NT5DC3: variants seen among roughly 807,000 people sequenced by gnomAD.
The protein encoded by NT5DC3 is 5'-nucleotidase domain-containing protein 3.
Under a neutral mutation model 67.8 loss-of-function variants are expected in NT5DC3, and 42 were observed. The observed-to-expected ratio is 0.62, with a 90% CI of 0.48 to 0.80. The LOEUF is 0.80. NT5DC3 is among the 30% of genes least tolerant of loss of function. NT5DC3 has a pLI of 0.00. For missense variants in NT5DC3, 570 were observed against 696.4 expected, an observed-to-expected ratio of 0.82 and a Z score of 2.04; for synonymous variants, 237 against 255.6, an observed-to-expected ratio of 0.93 and a Z score of 0.69.
chr12:103,798,238 C>T (rs1015196341), intron 5 of NT5DC3, among the ~76,000 whole-genome samples: 8 of 152,160 alleles, frequency 5.3e-5, no homozygotes, highest in Admixed American at 5.2e-4. Flanking sequence ...GTGTAGCCAT[C>T]AACTCTGGCA....
chr12:103,793,506 T>A lies in NT5DC3; in HGVS notation c.821A>T (p.Tyr274Phe), dbSNP rs189470582. The change falls in exon 8 of 14, where the codon TAC becomes TTC. Residue 274 changes from tyrosine to phenylalanine, a missense_variant. Tyr to Phe is a conservative substitution (Grantham distance 22). This residue lies in a region of NT5DC3 where 466 missense variants were observed against 608.0 expected (regional missense o/e 0.77). Coordinates refer to ENST00000392876, the MANE Select transcript of NT5DC3 (RefSeq NM_001031701.3). The part of the protein sequence containing the change: ...YRAIEADIEK[Y>F]ICYAEQTRAV... Reference sequence around the variant, plus strand: ...GCGGGTCTGCTCAGCATAGCAGATGTACTTTTCTAAGAGCAAGAGAAAAAT... The same window carrying A: ...GCGGGTCTGCTCAGCATAGCAGATGAACTTTTCTAAGAGCAAGAGAAAAAT... 6.2e-7 allele frequency: 1 copy of A among 1,611,892 alleles called. No individual in the cohort carries two copies. The highest frequency in any genetic ancestry group is 2.2e-5 in the East Asian group (1 of 44,886).
chr12:103,823,237 A>C (rs867283997), intron 1 of NT5DC3, among the ~76,000 whole-genome samples: 78 of 151,698 alleles, frequency 5.1e-4, no homozygotes, highest in African/African-American at 1.8e-3. Context: ...AAAAAAAAAA[A>C]CAGAAAAAGC....
rs779598806 is a variant in NT5DC3, at chr12:103,815,082, T to A, written c.248A>T (p.Asp83Val). The A allele has an allele frequency of 6.2e-7, 1 of 1,613,398 alleles. No homozygotes were observed. The highest frequency in any genetic ancestry group is 1.1e-5 in the South Asian group (1 of 90,894). The change falls in exon 2 of 14, where the codon GAT becomes GTT. Residue 83 changes from aspartate to valine, a missense_variant. Asp to Val is a radical substitution (Grantham distance 152). Around this residue, in one of 2 missense-constraint regions of NT5DC3, gnomAD observed 466 missense variants for 608.0 expected, o/e 0.77. Transcript: ENST00000392876. Reference protein sequence around the residue: ...PSIMSNLLNPDAIFSNNEMSL... With the variant: ...PSIMSNLLNPVAIFSNNEMSL... ...CATTTCATTGTTTGAGAAAATGGCATCTGGATTCAACAAGTTGCTCATAAT... is the reference window on the plus strand; with the variant it reads ...CATTTCATTGTTTGAGAAAATGGCAACTGGATTCAACAAGTTGCTCATAAT...
chr12:103,788,003 T>TA (rs1457424276), intron 10 of NT5DC3, among the ~76,000 whole-genome samples: 1 of 152,240 alleles, frequency 6.6e-6, no homozygotes, highest in African/African-American at 2.4e-5. Flanking sequence ...AAAATACACT[T>TA]ATTGCCAAAT....
chr12:103,757,456 A>G, the NT5DC3 span, among the ~76,000 whole-genome samples: 1 of 152,238 alleles, frequency 6.6e-6, no homozygotes, highest in Non-Finnish European at 1.5e-5. Flanking sequence ...CAAACAATAA[A>G]TGGAACAAAC....
Position 103,806,837 on chromosome 12 carries a change from C to T in NT5DC3, c.468+18G>A. On this transcript the variant is annotated intron_variant, in intron 3 of 13. Coordinates refer to ENST00000392876, the MANE Select transcript of NT5DC3 (RefSeq NM_001031701.3). ...CAAACATCATTAAACCATAGAAAAA[C>T]AGGAGAAGTAAACCTACCCGCTGTA... 6.6e-7 allele frequency: 1 copy of T among 1,511,636 alleles called. No homozygotes were observed. Among genetic ancestry groups the T allele is most frequent in the Non-Finnish European group, 9.2e-7 (1 of 1,087,670 alleles). 93.6% of individuals were successfully genotyped at this position (1,511,636 alleles called of 1,614,324 possible).
rs755048643 is a variant in NT5DC3 at position 103,775,562 on chromosome 12, C to T, written c.*2267G>A. ...GCGCATTCTTTTAGAACCCCGACAC[C>T]GAGCAGTTCTGGGCGCAACACACAC... On this transcript the variant is annotated 3_prime_UTR_variant, in exon 14 of 14. Coordinates refer to ENST00000392876, the MANE Select transcript of NT5DC3 (RefSeq NM_001031701.3). The T allele has an allele frequency of 6.6e-6, 1 of 152,208 alleles. No individual in the cohort carries two copies. The highest frequency in any genetic ancestry group is 2.4e-5 in the African/African-American group (1 of 41,530). 9.4% of individuals were successfully genotyped at this position (152,208 alleles called of 1,614,324 possible).
chr12:103,831,331 C>T (rs1277792430), intron 1 of NT5DC3, among the ~76,000 whole-genome samples: 1 of 152,164 alleles, frequency 6.6e-6, no homozygotes, highest in Non-Finnish European at 1.5e-5. Flanking sequence ...CCCAAGGCCT[C>T]CCCAGCCATG....
Position 103,819,993 on chromosome 12 carries a change from A to G in NT5DC3, c.209-4872T>C, listed in dbSNP as rs566525951. Among the ~76,000 whole-genome samples, 3 of 152,296 alleles carry G rather than the reference A, an allele frequency of 2.0e-5. No individual in the cohort carries two copies. In the East Asian group the frequency reaches 5.8e-4, roughly 29 times the overall value. On this transcript the variant is annotated intron_variant, in intron 1 of 13. Coordinates refer to ENST00000392876, the MANE Select transcript of NT5DC3 (RefSeq NM_001031701.3). ...ACTTTCTGTCTCTATGAATCTGACT[A>G]TTCTAGGAACCTCATAGAAGTGGAG...
the NT5DC3 span, chr12:103,762,364 C>G: frequency 6.2e-7 from 1 of 1,614,194 alleles, no homozygotes; most frequent in South Asian, 1.1e-5. Context: ...CTCCTACTTT[C>G]GGATAAACCG....
At chr12:103,781,500 C>T (rs773950492) in intron 12 of NT5DC3, among the ~76,000 whole-genome samples, 7 of 152,242 alleles carry the variant, frequency 4.6e-5, no homozygotes, top group Non-Finnish European at 1.0e-4. Context: ...GGGCGCCCTG[C>T]TGGCTGCCCT....
chr12:103,840,822 C>G (rs944888261), intron 1 of NT5DC3, 127 bp downstream of exon 1: 1 of 418,480 alleles, frequency 2.4e-6, no homozygotes, highest in Non-Finnish European at 4.1e-6. Context: ...GGTGTGGGCA[C>G]CGGGGTTCGC....
rs1279347196 is a variant in NT5DC3 at position 103,797,014 on chromosome 12, C to T, written c.633G>A (p.Thr211=). Residue 211 remains threonine, a synonymous_variant, in exon 6 of 14, where the codon ACG becomes ACA. Coordinates refer to ENST00000392876, the MANE Select transcript of NT5DC3 (RefSeq NM_001031701.3). ...DFYGKSSHGN[T]MKQFMDIFSL... ...AGAAGATGTCCATGAACTGCTTCAT[C>T]GTGTTTCCATGAGAGCTCTGCAGAC... 13 of 1,613,996 alleles carry T rather than the reference C, an allele frequency of 8.1e-6. No individual in the cohort carries two copies. Among genetic ancestry groups the T allele is most frequent in the Admixed American group, 5.0e-5 (3 of 59,984 alleles).
chr12:103,790,411 G>T lies in NT5DC3; in HGVS notation c.1020-1492C>A, dbSNP rs1885993698. Among the ~76,000 whole-genome samples, 5 of 152,018 alleles carry T rather than the reference G, an allele frequency of 3.3e-5. No homozygotes were observed. In the South Asian group the frequency reaches 1.0e-3, roughly 32 times the overall value. On this transcript the variant is annotated intron_variant, in intron 9 of 13. Coordinates refer to ENST00000392876, the MANE Select transcript of NT5DC3 (RefSeq NM_001031701.3). ...CTGCCTCAGCCTACTGAGTAGCTGG[G>T]ATTACAGTTGCATGCCACCATGACT...
chr12:103,770,118 G>A (rs1272956899), downstream of NT5DC3, among the ~76,000 whole-genome samples: 2 of 152,128 alleles, frequency 1.3e-5, no homozygotes, highest in African/African-American at 2.4e-5. Flanking sequence ...ATCCTCACAC[G>A]ATTTTTTTTA....
At chr12:103,753,555 T>C in the NT5DC3 span, among the ~76,000 whole-genome samples, 1 of 152,186 alleles carries the variant, frequency 6.6e-6, no homozygotes, top group South Asian at 2.1e-4. Context: ...TTCGTGGATA[T>C]TATTGTTCAT....
At chr12:103,763,711 T>G in the NT5DC3 span, 1 of 1,108,106 alleles carries the variant, frequency 9.0e-7, no homozygotes, top group Non-Finnish European at 1.3e-6. Context: ...GAAGGTTCAT[T>G]TCTAGAATGT....
chr12:103,758,102 C>A, the NT5DC3 span: 3 of 1,603,110 alleles, frequency 1.9e-6, no homozygotes, highest in East Asian at 2.2e-5. Context: ...GCCCTGGGAC[C>A]TTCTTCAGCC....
chr12:103,755,140 C>T, the NT5DC3 span: 2 of 935,012 alleles, frequency 2.1e-6, no homozygotes, highest in Non-Finnish European at 3.2e-6. Context: ...ATCAATCAGT[C>T]AACATCTAAT....
Sources: gnomAD v4.1 joint callset for allele counts (sites outside exome capture counted in the v4.1 genomes callset) on GRCh38, gnomAD v4.1.1 for gene constraint, gnomAD v4.1.1 regional missense constraint, MANE v1.5 for transcripts, NCBI Gene and HGNC (gene_info 2026-07-23, HGNC 2026-07-21) for gene names.